Variants in NRXN3 observed in about 807,000 individuals in gnomAD.
NRXN3 encodes the protein neurexin 3.
NRXN3 carries 32 observed loss-of-function variants against 137.6 expected under a neutral mutation model. The observed-to-expected ratio is 0.23, with a 90% CI of 0.18 to 0.31. The LOEUF (loss-of-function observed/expected upper bound fraction) is 0.31, where lower values mean the gene tolerates loss of function less well. Among genes scored for constraint, NRXN3 ranks in the 10% least tolerant of loss-of-function variants. The pLI is 1.00. For synonymous variants in NRXN3, 798 were observed against 784.5 expected (o/e 1.02, Z -0.29); for missense variants, 1,574 against 2,062.5 (o/e 0.76, Z 4.59).
chr14:78,359,020 A>G (rs575894217), intron 4 of NRXN3, among the ~76,000 whole-genome samples: 3 of 152,320 alleles, frequency 2.0e-5, no homozygotes, highest in East Asian at 1.9e-4. Flanking sequence ...CCTTTATACT[A>G]ATAACCTAAG....
At chr14:78,996,611 T>C (rs2938025) in intron 15 of NRXN3, among the ~76,000 whole-genome samples, 1,865 of 152,254 alleles carry the variant, frequency 0.012, 34 homozygotes, top group African/African-American at 0.042. Flanking sequence ...AATGAGGGCA[T>C]TTAAAGTAGG....
In NRXN3 at chr14:78,395,323, T is replaced by G. The variant is rs371048272; in HGVS notation, c.757+97463T>G. On this transcript the variant is annotated intron_variant, in intron 4 of 20. Transcript: ENST00000335750. ...TATATATTATTTAGAAATGTCTTAT[T>G]TAATTTACAACTGTTTACTTGTTTT... Among the ~76,000 whole-genome samples the G allele has an allele frequency of 8.5e-5, 13 of 152,100 alleles. No homozygotes were observed. In the East Asian group the frequency reaches 1.9e-3, roughly 23 times the overall value.
In NRXN3 at chr14:78,996,302, T is replaced by C. The variant is rs377072838; in HGVS notation, c.3262+8161T>C. The stretch of plus-strand genomic sequence containing the variant: ...AGATACTATTGTGATACCAGTTTCA[T>C]AGATGAGAGAACTGAGACAGAAAAG... On this transcript the variant is annotated intron_variant, in intron 15 of 20. Coordinates refer to ENST00000335750, the MANE Select transcript of NRXN3 (RefSeq NM_001330195.2). Among the ~76,000 whole-genome samples, 568 of 152,320 alleles carry C rather than the reference T, an allele frequency of 3.7e-3. 6 individuals are homozygous for C. The highest frequency in any genetic ancestry group is 0.01 in the Middle Eastern group (3 of 294).
At chr14:78,715,278 T>C (rs2098426159) in intron 8 of NRXN3, 139 bp downstream of exon 8, 1 of 1,083,108 alleles carries the variant, frequency 9.2e-7, no homozygotes, top group Non-Finnish European at 1.3e-6. Context: ...GATTTCCAGA[T>C]TGCACCCTTT....
chr14:79,500,316 A>G (rs2096812237), intron 16 of NRXN3, among the ~76,000 whole-genome samples: 1 of 151,410 alleles, frequency 6.6e-6, no homozygotes, highest in East Asian at 1.9e-4. Context: ...GATACCATTC[A>G]AAGTTAGACA....
intron 4 of NRXN3, among the ~76,000 whole-genome samples, chr14:78,642,549 A>G (rs971821566): frequency 1.5e-4 from 23 of 152,182 alleles, no homozygotes; most frequent in African/African-American, 5.3e-4. Flanking sequence ...TATAACTTAA[A>G]TGTTTATAGA....
At chr14:78,619,080 G>A (rs2097373359) in intron 4 of NRXN3, among the ~76,000 whole-genome samples, 1 of 152,118 alleles carries the variant, frequency 6.6e-6, no homozygotes, top group Non-Finnish European at 1.5e-5. Flanking sequence ...CATCAGGGAG[G>A]GAGGAGCATC....
chr14:79,217,171 A>AAAGAAAGAAAAGG, intron 15 of NRXN3, among the ~76,000 whole-genome samples: 1 of 152,166 alleles, frequency 6.6e-6, no homozygotes, highest in South Asian at 2.1e-4. Context: ...GAAAGAAAAG[A>AAAGAAAGAAAAGG]GGTTTAATAG....
chr14:78,622,693 CAGT>C (rs1403513326), intron 4 of NRXN3, among the ~76,000 whole-genome samples: 1 of 152,236 alleles, frequency 6.6e-6, no homozygotes, highest in African/African-American at 2.4e-5. Context: ...ATTGGGCACG[CAGT>C]AGGAGAAGCA....
At chr14:79,746,631 T>G (rs2098980514) in intron 19 of NRXN3, among the ~76,000 whole-genome samples, 2 of 152,170 alleles carry the variant, frequency 1.3e-5, no homozygotes, top group Non-Finnish European at 2.9e-5. Context: ...TAGTTTACTT[T>G]TCTTGCCTTA....
intron 16 of NRXN3, among the ~76,000 whole-genome samples, chr14:79,584,687 T>C (rs2097751533): frequency 6.6e-6 from 1 of 152,190 alleles, no homozygotes; most frequent in Non-Finnish European, 1.5e-5. Context: ...GCTTTAGTGC[T>C]CTGCGGGCTC....
chr14:78,427,358 G>A (rs529902983), intron 4 of NRXN3, among the ~76,000 whole-genome samples: 1 of 152,330 alleles, frequency 6.6e-6, no homozygotes, highest in Admixed American at 6.5e-5. Flanking sequence ...GAGGGTGGGA[G>A]GAGGGAGGTG....
rs551527569 is a variant in NRXN3, at chr14:79,631,590, G to T, written c.3445-32188G>T. On this transcript the variant is annotated intron_variant, in intron 16 of 20. Coordinates refer to ENST00000335750, the MANE Select transcript of NRXN3 (RefSeq NM_001330195.2). ...AGGGACGAGCTCCCTCTGGGCTGCC[G>T]GAGTGCCCGTGCTAGGTTCCAAAGT... Among the ~76,000 whole-genome samples the T allele has an allele frequency of 9.2e-5, 14 of 152,240 alleles. 1 individual carries two copies. The highest frequency in any genetic ancestry group is 1.8e-4 in the Non-Finnish European group (12 of 68,040).
At chr14:79,185,611 G>A (rs1350910337) in intron 15 of NRXN3, among the ~76,000 whole-genome samples, 6 of 151,132 alleles carry the variant, frequency 4.0e-5, no homozygotes, top group East Asian at 3.9e-4. Context: ...GACTACAGGC[G>A]CCCGCCACCA....
intron 19 of NRXN3, among the ~76,000 whole-genome samples, chr14:79,714,624 A>G (rs1245861333): frequency 6.6e-6 from 1 of 152,200 alleles, no homozygotes; most frequent in Non-Finnish European, 1.5e-5. Flanking sequence ...GCATTCAGCA[A>G]TATGTCTGCT....
At chr14:78,205,300 TG>T (rs1318683230) in intron 1 of NRXN3, among the ~76,000 whole-genome samples, 1 of 152,186 alleles carries the variant, frequency 6.6e-6, no homozygotes, top group South Asian at 2.1e-4. Context: ...AATGGAGGTC[TG>T]GGGGGGATTA....
At chr14:79,610,689 T>A (rs1220054829) in intron 16 of NRXN3, among the ~76,000 whole-genome samples, 2 of 152,220 alleles carry the variant, frequency 1.3e-5, no homozygotes, top group African/African-American at 4.8e-5. Flanking sequence ...TAGAGTTACG[T>A]GAGTTTTTCC....
intron 10 of NRXN3, among the ~76,000 whole-genome samples, chr14:78,914,610 G>C (rs964181596): frequency 4.6e-5 from 7 of 152,120 alleles, no homozygotes; most frequent in Non-Finnish European, 8.8e-5. Flanking sequence ...AAGTATAATG[G>C]AGCTTAGTTA....
At chr14:78,378,204 G>A (rs371834957) in intron 4 of NRXN3, among the ~76,000 whole-genome samples, 2 of 152,158 alleles carry the variant, frequency 1.3e-5, no homozygotes, top group East Asian at 3.9e-4. Flanking sequence ...CAAATAATAG[G>A]CCGGGAACGG....
Sources: allele counts gnomAD v4.1 joint callset (sites outside exome capture counted in the v4.1 genomes callset), GRCh38; gene constraint gnomAD v4.1.1; transcripts MANE v1.5; gene names NCBI Gene and HGNC (gene_info 2026-07-23, HGNC 2026-07-21).